COX14: variants seen among roughly 807,000 people sequenced by gnomAD.
The protein encoded by COX14 is cytochrome c oxidase assembly factor COX14.
COX14 carries 3 observed loss-of-function variants against 5.8 expected under a neutral mutation model. The observed-to-expected ratio is 0.51, with a 90% confidence interval of 0.23 to 1.33. The LOEUF (loss-of-function observed/expected upper bound fraction) is 1.33, where lower values mean the gene tolerates loss of function less well. Among genes scored for constraint, COX14 ranks in the 40% most tolerant of loss-of-function variants. The probability of loss-of-function intolerance (pLI) is 0.18; values close to 1 mark genes in which losing one functional copy is unlikely to be tolerated. For missense variants in COX14, 72 were observed against 72.1 expected, an observed-to-expected ratio of 1.00 and a Z score of 0.01; for synonymous variants, 25 against 26.1, an observed-to-expected ratio of 0.96 and a Z score of 0.13.
rs1394017213 is a variant in COX14 at position 50,118,495 on chromosome 12, G to A, written c.-8-1541G>A. On this transcript the variant is annotated intron_variant, in intron 1 of 1. Coordinates refer to ENST00000550487, the MANE Select transcript of COX14 (RefSeq NM_032901.4). ...AATAAATATGTATTTTTGGCCAGGC[G>A]CGGTGGCTCACGCCGTAATCCCAGC... 1.5e-5 allele frequency: 14 copies of A among 934,424 alleles called. No homozygotes were observed. The South Asian group carries it at 5.4e-4, about 36-fold the overall frequency. The allele number at this position is 934,424 out of a possible 1,614,324, so 57.9% of individuals were successfully genotyped here. A position where few individuals can be genotyped will look rare whatever the true frequency, so the allele number is the denominator to read the frequency against.
chr12:50,118,430 T>C, intron 1 of COX14: 3 of 985,250 alleles, frequency 3.0e-6, no homozygotes, highest in South Asian at 9.4e-5. Flanking sequence ...CCCAACCCCG[T>C]CCTTGATGGA....
chr12:50,113,872 A>C (rs1370660196), intron 1 of COX14, among the ~76,000 whole-genome samples: 1 of 151,816 alleles, frequency 6.6e-6, no homozygotes, highest in African/African-American at 2.4e-5. Flanking sequence ...ACCTCAGGTT[A>C]TCAGCCCACT....
chr12:50,117,023 T>G (rs1031427504), intron 1 of COX14, among the ~76,000 whole-genome samples: 5 of 152,088 alleles, frequency 3.3e-5, no homozygotes, highest in African/African-American at 1.2e-4. Flanking sequence ...TTTTTTTTGT[T>G]TTTTGAGACA....
chr12:50,118,716 G>A (rs552239161), intron 1 of COX14, among the ~76,000 whole-genome samples: 54 of 152,132 alleles, frequency 3.5e-4, no homozygotes, highest in Non-Finnish European at 7.5e-4. Flanking sequence ...GCAGTGAGCC[G>A]AGATCGTGCC....
intron 1 of COX14, chr12:50,118,535 A>G (rs1022330899): frequency 2.3e-5 from 11 of 471,566 alleles, no homozygotes; most frequent in African/African-American, 2.3e-4. Flanking sequence ...TGGGAGGCCA[A>G]GGCGAGTGGA....
rs142523096 is a variant in COX14, at chr12:50,120,092, A to G, written c.49A>G (p.Thr17Ala). Reference sequence around the variant, plus strand: ...TGACATTGGCTATAAGACCTTCTCTACCTCCATGATGCTTCTCACTGTGTA... The same window carrying G: ...TGACATTGGCTATAAGACCTTCTCTGCCTCCATGATGCTTCTCACTGTGTA... ...LADIGYKTFS[T>A]SMMLLTVYGG... Residue 17 changes from threonine (T) to alanine (A), a missense_variant, in exon 2 of 2, where the codon ACC becomes GCC. By Grantham distance (58) the Thr-to-Ala change is moderately conservative. Coordinates refer to ENST00000550487, the MANE Select transcript of COX14 (RefSeq NM_032901.4). The G allele has an allele frequency of 1.2e-6, 2 of 1,613,918 alleles. No individual in the cohort carries two copies. The highest frequency in any genetic ancestry group is 1.3e-5 in the African/African-American group (1 of 74,996).
chr12:50,113,872 AT>A, intron 1 of COX14, among the ~76,000 whole-genome samples: 1 of 151,912 alleles, frequency 6.6e-6, no homozygotes, highest in Middle Eastern at 3.4e-3. Context: ...ACCTCAGGTT[AT>A]CAGCCCACTT....
intron 1 of COX14, among the ~76,000 whole-genome samples, chr12:50,118,722 G>A (rs966835824): frequency 1.3e-5 from 2 of 152,194 alleles, no homozygotes; most frequent in Admixed American, 6.5e-5. Context: ...AGCCGAGATC[G>A]TGCCACTGCA....
chr12:50,118,983 G>A (rs1221749549), intron 1 of COX14, among the ~76,000 whole-genome samples: 1 of 152,088 alleles, frequency 6.6e-6, no homozygotes, highest in Non-Finnish European at 1.5e-5. Flanking sequence ...TTGTTTCCTA[G>A]CTTGGAATAT....
intron 1 of COX14, among the ~76,000 whole-genome samples, chr12:50,116,713 G>T (rs144748690): frequency 1.2e-3 from 181 of 152,294 alleles, no homozygotes; most frequent in African/African-American, 4.2e-3. Context: ...TGTGTGTTTT[G>T]TTCACTATTG....
At chr12:50,114,271 G>T (rs1305661769) in intron 1 of COX14, among the ~76,000 whole-genome samples, 2 of 149,420 alleles carry the variant, frequency 1.3e-5, no homozygotes, top group East Asian at 3.9e-4. Context: ...TTTTTTGAGG[G>T]GTGGAGTTTC....
At chr12:50,112,949 T>TATGTTATGTTATGTTATGTTA (rs1282853663) in intron 1 of COX14, 1 of 151,964 alleles carries the variant, frequency 6.6e-6, no homozygotes, top group Non-Finnish European at 1.5e-5. Context: ...TTATGTTATT[T>TATGTTATGTTATGTTATGTTA]TGAGACAGGG....
At chr12:50,116,242 G>A (rs1023393059) in intron 1 of COX14, among the ~76,000 whole-genome samples, 7 of 152,088 alleles carry the variant, frequency 4.6e-5, no homozygotes, top group Admixed American at 6.5e-5. Context: ...ACAGGCATCC[G>A]CCACCACGCC....
intron 1 of COX14, among the ~76,000 whole-genome samples, chr12:50,115,565 T>A (rs1398421886): frequency 6.6e-6 from 1 of 151,640 alleles, no homozygotes; most frequent in Admixed American, 6.6e-5. Context: ...CCTCCTTTTT[T>A]TTTTTTTGAG....
chr12:50,117,493 C>T (rs1453727015), intron 1 of COX14, among the ~76,000 whole-genome samples: 1 of 152,084 alleles, frequency 6.6e-6, no homozygotes, highest in Non-Finnish European at 1.5e-5. Flanking sequence ...TTATTGGGCC[C>T]AGTTCTCTCA....
intron 1 of COX14, among the ~76,000 whole-genome samples, chr12:50,119,390 C>A (rs887481406): frequency 6.6e-6 from 1 of 152,208 alleles, no homozygotes; most frequent in Non-Finnish European, 1.5e-5. Context: ...CTTAATGTTA[C>A]CAGTTAGAGC....
intron 1 of COX14, among the ~76,000 whole-genome samples, chr12:50,114,636 C>G (rs1410727841): frequency 1.3e-5 from 2 of 151,986 alleles, no homozygotes; most frequent in African/African-American, 4.8e-5. Context: ...CTGGTCTTAT[C>G]CTCTCCTTTG....
chr12:50,112,470 C>T (rs1045490572), intron 1 of COX14, 169 bp downstream of exon 1: 2 of 985,886 alleles, frequency 2.0e-6, no homozygotes, highest in Non-Finnish European at 2.4e-6. Flanking sequence ...CTGCTTCCTG[C>T]CCAAGCCCAA....
Position 50,120,365 on chromosome 12 carries a change from G to T in COX14, c.*148G>T. 1.5e-6 allele frequency: 1 copy of T among 668,818 alleles called. No individual in the cohort carries two copies. The highest frequency in any genetic ancestry group is 2.5e-6 in the Non-Finnish European group (1 of 392,618). The allele number at this position is 668,818 out of a possible 1,614,324, so 41.4% of individuals were successfully genotyped here. On this transcript the variant is annotated 3_prime_UTR_variant, in exon 2 of 2. Transcript: ENST00000550487. ...AAGTGCCCATGGTTTCTCTGGTTCT[G>T]CCAGTTTGACAGTTTATGGAGGCTT...
Sources: allele counts gnomAD v4.1 joint callset (sites outside exome capture counted in the v4.1 genomes callset), GRCh38; gene constraint gnomAD v4.1.1; transcripts MANE v1.5; gene names NCBI Gene and HGNC (gene_info 2026-07-23, HGNC 2026-07-21).